KAZN: variants seen among roughly 807,000 people sequenced by gnomAD.
The protein encoded by KAZN is kazrin.
Under a neutral mutation model 87.4 loss-of-function variants are expected in KAZN, and 40 were observed. That is an observed-to-expected ratio of 0.46 (90% CI 0.36 to 0.60). The LOEUF is 0.60. KAZN is among the 20% of genes least tolerant of loss of function. KAZN has a pLI of 0.00. For missense variants in KAZN, 898 were observed against 1,073.9 expected (o/e 0.84, Z 2.29); for synonymous variants, 466 against 458.3 (o/e 1.02, Z -0.22).
chr1:14,393,247 G>A (rs150106058), intron 2 of KAZN, among the ~76,000 whole-genome samples: 1 of 152,230 alleles, frequency 6.6e-6, no homozygotes, highest in East Asian at 1.9e-4. Context: ...ACCATCTCGT[G>A]TATCACCTCT....
chr1:14,292,498 G>C (rs1440611100), intron 2 of KAZN, among the ~76,000 whole-genome samples: 1 of 152,172 alleles, frequency 6.6e-6, no homozygotes, highest in African/African-American at 2.4e-5. Context: ...GAGTCCTTGT[G>C]GTGGTAGATG....
chr1:14,146,171 C>G (rs1284388984), intron 1 of KAZN, among the ~76,000 whole-genome samples: 2 of 151,818 alleles, frequency 1.3e-5, no homozygotes, highest in Non-Finnish European at 1.5e-5. Flanking sequence ...TTTCCTGAAT[C>G]CCATGCATGT....
At chr1:14,068,207 T>G (rs12406366) in intron 1 of KAZN, among the ~76,000 whole-genome samples, 24,549 of 152,200 alleles carry the variant, frequency 0.16, 2,430 homozygotes, top group African/African-American at 0.26. Context: ...ACTTCTGATC[T>G]ACCAACCACC....
intron 1 of KAZN, among the ~76,000 whole-genome samples, chr1:14,684,271 C>T (rs1557887751): frequency 1.3e-5 from 2 of 152,276 alleles, no homozygotes; most frequent in East Asian, 1.9e-4. Flanking sequence ...GGGCTGTGGG[C>T]AGAGGATACT....
chr1:14,381,874 G>A (rs908502018), intron 2 of KAZN, among the ~76,000 whole-genome samples: 2 of 152,104 alleles, frequency 1.3e-5, no homozygotes, highest in Non-Finnish European at 2.9e-5. Context: ...AAATTGGAAA[G>A]GAAGAAGTCA....
At chr1:14,589,949 G>A (rs1349034302) in intron 2 of KAZN, among the ~76,000 whole-genome samples, 1 of 151,970 alleles carries the variant, frequency 6.6e-6, no homozygotes, top group East Asian at 1.9e-4. Context: ...AGAAATGAGT[G>A]GAAAACTCTC....
chr1:13,951,160 G>C (rs1440795005), intron 1 of KAZN, among the ~76,000 whole-genome samples: 1 of 152,168 alleles, frequency 6.6e-6, no homozygotes, highest in African/African-American at 2.4e-5. Context: ...AGACACTGTG[G>C]GTGTGCCCAG....
chr1:14,977,669 A>G (rs1665788218), intron 2 of KAZN, among the ~76,000 whole-genome samples: 1 of 152,166 alleles, frequency 6.6e-6, no homozygotes, highest in Non-Finnish European at 1.5e-5. Context: ...GTGACTGCAG[A>G]TTGCGGGAGA....
At chr1:14,908,201 C>T (rs1248424289) in intron 1 of KAZN, among the ~76,000 whole-genome samples, 3 of 148,492 alleles carry the variant, frequency 2.0e-5, no homozygotes, top group Non-Finnish European at 4.5e-5. Context: ...AGTTCAAGAC[C>T]AGCCTGGGCA....
At chr1:13,976,840 C>T (rs1048653283) in intron 1 of KAZN, among the ~76,000 whole-genome samples, 2 of 152,116 alleles carry the variant, frequency 1.3e-5, no homozygotes, top group Non-Finnish European at 2.9e-5. Flanking sequence ...ATTAAAGCAT[C>T]TCTCCTCTAT....
intron 1 of KAZN, among the ~76,000 whole-genome samples, chr1:14,039,026 C>G (rs1200530686): frequency 6.6e-6 from 1 of 152,024 alleles, no homozygotes; most frequent in African/African-American, 2.4e-5. Context: ...AAAAAATTAG[C>G]TGGGCATGGT....
intron 1 of KAZN, among the ~76,000 whole-genome samples, chr1:14,051,220 G>A (rs1417970520): frequency 6.6e-6 from 1 of 152,138 alleles, no homozygotes; most frequent in Non-Finnish European, 1.5e-5. Context: ...GACATCAAGG[G>A]TGGAGATAAG....
intron 2 of KAZN, among the ~76,000 whole-genome samples, chr1:14,443,203 G>T (rs1666792767): frequency 6.6e-6 from 1 of 152,126 alleles, no homozygotes; most frequent in African/African-American, 2.4e-5. Flanking sequence ...GTTTTGTTTT[G>T]CAAATCAAAA....
intron 2 of KAZN, among the ~76,000 whole-genome samples, chr1:14,216,098 CAAATT>C (rs1455965923): frequency 1.3e-5 from 2 of 151,896 alleles, no homozygotes; most frequent in African/African-American, 4.8e-5. Context: ...ATGTCATTAA[CAAATT>C]AAATTGACAA....
In KAZN at chr1:14,753,720, C is replaced by T. The variant is rs556815676; in HGVS notation, c.226+154497C>T. Among the ~76,000 whole-genome samples, 7 of 152,324 alleles carry T rather than the reference C, an allele frequency of 4.6e-5. No homozygotes were observed. The East Asian group carries it at 1.4e-3, about 29-fold the overall frequency. The stretch of plus-strand genomic sequence containing the variant: ...GCAGGCAGAGCTGAAGGACTGCAGG[C>T]CCCTAGCCCTCCACCCATAGAGGCT... On this transcript the variant is annotated intron_variant, in intron 1 of 14. Transcript: ENST00000376030.
chr1:14,983,085 G>T (rs1196547566), intron 2 of KAZN, among the ~76,000 whole-genome samples: 1 of 152,202 alleles, frequency 6.6e-6, no homozygotes, highest in Non-Finnish European at 1.5e-5. Flanking sequence ...GGCAGCAGGG[G>T]GGCTTTTTAT....
chr1:14,430,896 G>T (rs939979383), intron 2 of KAZN, among the ~76,000 whole-genome samples: 3 of 152,200 alleles, frequency 2.0e-5, no homozygotes, highest in African/African-American at 4.8e-5. Flanking sequence ...AGGCTAGAAA[G>T]CTCATCTTCC....
At chr1:13,942,878 A>T (rs911274679) in intron 1 of KAZN, among the ~76,000 whole-genome samples, 1 of 152,350 alleles carries the variant, frequency 6.6e-6, no homozygotes, top group African/African-American at 2.4e-5. Context: ...TTAACAACAG[A>T]TTAGACACAA....
chr1:14,091,452 T>A (rs201428785), intron 1 of KAZN, among the ~76,000 whole-genome samples: 3 of 152,214 alleles, frequency 2.0e-5, no homozygotes, highest in African/African-American at 7.2e-5. Flanking sequence ...TGTGTGTGTG[T>A]GCATTCAGTT....
Sources: allele counts gnomAD v4.1 joint callset (sites outside exome capture counted in the v4.1 genomes callset), GRCh38; gene constraint gnomAD v4.1.1; transcripts MANE v1.5; gene names NCBI Gene and HGNC (gene_info 2026-07-23, HGNC 2026-07-21).